KIF1A: variants seen among roughly 807,000 people sequenced by gnomAD.
KIF1A encodes the protein kinesin-like protein KIF1A.
A neutral mutation model predicts 227.3 loss-of-function variants in KIF1A; 46 were observed. The observed-to-expected ratio is 0.20, with a 90% CI of 0.16 to 0.26. The LOEUF (loss-of-function observed/expected upper bound fraction) is 0.26, where lower values mean the gene tolerates loss of function less well. KIF1A is among the 10% of genes least tolerant of loss of function. The pLI, the probability that KIF1A is intolerant of heterozygous loss-of-function variation, is 1.00. For missense variants in KIF1A, 1,683 were observed against 2,485.9 expected (o/e 0.68, Z 6.87); for synonymous variants, 1,022 against 1,012.8 (o/e 1.01, Z -0.17).
chr2:240,785,168 C>A, intron 6 of KIF1A, 68 bp from the exon 7 acceptor site: 1 of 1,310,552 alleles, frequency 7.6e-7, no homozygotes, highest in Non-Finnish European at 1.1e-6. Flanking sequence ...GCCGGTGGTG[C>A]CAGCCCTCTG....
At chr2:240,719,652 C>T (rs1202232004) in intron 46 of KIF1A, 122 bp downstream of exon 46, 3 of 1,188,294 alleles carry the variant, frequency 2.5e-6, no homozygotes, top group Non-Finnish European at 3.4e-6. Context: ...GGGCATCAGG[C>T]AACCTGTCTG....
chr2:240,729,712 G>GC (rs748956674), intron 38 of KIF1A, among the ~76,000 whole-genome samples: 2 of 152,262 alleles, frequency 1.3e-5, no homozygotes, highest in Non-Finnish European at 2.9e-5. Context: ...ATGTGGCTTT[G>GC]CCCTGCTCAG....
intron 1 of KIF1A, among the ~76,000 whole-genome samples, chr2:240,805,034 A>G (rs1575664457): frequency 8.8e-6 from 1 of 113,204 alleles, no homozygotes; most frequent in Non-Finnish European, 1.9e-5. Context: ...AGGGGAGGGG[A>G]GGGGAGGGAA....
chr2:240,767,460 G>A (rs1027458849), intron 17 of KIF1A, 115 bp from the exon 18 acceptor site: 26 of 815,934 alleles, frequency 3.2e-5, no homozygotes, highest in East Asian at 5.3e-5. Flanking sequence ...CCCTGCCCCC[G>A]CACTTGGCTG....
intron 10 of KIF1A, among the ~76,000 whole-genome samples, chr2:240,780,166 C>T (rs1017050017): frequency 6.6e-6 from 1 of 152,012 alleles, no homozygotes; most frequent in Non-Finnish European, 1.5e-5. Context: ...AGCGTTCACA[C>T]GGTTCCTCAT....
chr2:240,757,114 C>A lies in KIF1A; in HGVS notation c.2858+205G>T, dbSNP rs1442232903. On this transcript the variant is annotated intron_variant, in intron 27 of 48. Transcript: ENST00000498729. The surrounding 1 kb of genome is among the most constrained non-coding windows in gnomAD (Gnocchi z 6.2). The stretch of plus-strand genomic sequence containing the variant: ...TTCCCTGCCGGCCCAAAGCGACCGT[C>A]TCCAGGATGGGTGAGCAGCCCCACT... 6.6e-6 allele frequency among the ~76,000 whole-genome samples: 1 copy of A among 152,244 alleles called. No homozygotes were observed. Among genetic ancestry groups the A allele is most frequent in the Non-Finnish European group, 1.5e-5 (1 of 68,038 alleles).
Position 240,717,016 on chromosome 2 carries a change from G to A in KIF1A, c.*348C>T, listed in dbSNP as rs2044649644. On this transcript the variant is annotated 3_prime_UTR_variant, in exon 49 of 49. Transcript: ENST00000498729. Reference sequence around the variant, plus strand: ...CTTATAGTTAATTTCCGAGTTGACTGTTTCAATGTCACTAACTAACGTATA... The same window carrying A: ...CTTATAGTTAATTTCCGAGTTGACTATTTCAATGTCACTAACTAACGTATA... The A allele has an allele frequency of 7.0e-6, 2 of 286,980 alleles. No homozygotes were observed. The highest frequency in any genetic ancestry group is 1.3e-5 in the Non-Finnish European group (2 of 154,370). 17.8% of individuals were successfully genotyped at this position (286,980 alleles called of 1,614,324 possible).
rs1395277645 is a variant in KIF1A, at chr2:240,789,454, AC to A, written c.107-143del. On this transcript the variant is annotated intron_variant, in intron 2 of 48. Transcript: ENST00000498729. The surrounding 1 kb of genome is among the most constrained non-coding windows in gnomAD (Gnocchi z 4.8). ...GCCCCCAAATTGGAGGGGACCTAGG[AC>A]CCCACTCCCAGGCAGATGAGCTGTC... is the stretch of plus-strand genomic sequence containing the variant. 3.0e-6 allele frequency: 2 copies of A among 665,494 alleles called. No homozygotes were observed. The highest frequency in any genetic ancestry group is 2.7e-5 in the East Asian group (1 of 37,110). 41.2% of individuals were successfully genotyped at this position (665,494 alleles called of 1,614,324 possible).
intron 10 of KIF1A, among the ~76,000 whole-genome samples, chr2:240,780,729 A>G (rs892843270): frequency 2.7e-5 from 4 of 150,824 alleles, no homozygotes; most frequent in Non-Finnish European, 5.9e-5. Flanking sequence ...GGCTTCTGAC[A>G]GAGTTGGACA....
intron 10 of KIF1A, among the ~76,000 whole-genome samples, 198 bp downstream of exon 10, chr2:240,782,392 C>G (rs540679482): frequency 1.3e-5 from 2 of 152,128 alleles, no homozygotes; most frequent in African/African-American, 4.8e-5. Context: ...CCGCCCCGGA[C>G]GCCCTCCGTC....
At chr2:240,747,520 G>A (rs2048750893) in intron 28 of KIF1A, among the ~76,000 whole-genome samples, 199 bp from the exon 29 acceptor site, 1 of 152,186 alleles carries the variant, frequency 6.6e-6, no homozygotes. Flanking sequence ...CGCCTGCCCA[G>A]GGGCCCCAAA....
chr2:240,782,774 C>T lies in KIF1A; in HGVS notation c.865-167G>A, dbSNP rs542142956. ...CCCCCAGGCAGGGTCCCTCCAGGGCCGCCCTTCCCGGGCCCAGGCCTGGGC... is the reference window on the plus strand; with the variant it reads ...CCCCCAGGCAGGGTCCCTCCAGGGCTGCCCTTCCCGGGCCCAGGCCTGGGC... On this transcript the variant is annotated intron_variant, in intron 9 of 48. Transcript: ENST00000498729. Among the ~76,000 whole-genome samples the T allele has an allele frequency of 3.2e-3, 488 of 152,314 alleles. 11 individuals are homozygous for T. The highest frequency in any genetic ancestry group is 5.6e-4 in the Non-Finnish European group (38 of 68,022).
chr2:240,727,022 G>T, intron 38 of KIF1A, 82 bp from the exon 39 acceptor site: 1 of 821,724 alleles, frequency 1.2e-6, no homozygotes, highest in Non-Finnish European at 2.0e-6. Context: ...GACAGACAGA[G>T]CGACAGACAA....
At chr2:240,718,922 G>A in intron 47 of KIF1A, 84 bp downstream of exon 47, 2 of 1,162,704 alleles carry the variant, frequency 1.7e-6, no homozygotes, top group South Asian at 1.4e-5. Flanking sequence ...CTCCTGCTCT[G>A]ACGCAGGGCT....
chr2:240,794,182 C>T (rs367889988), intron 2 of KIF1A, among the ~76,000 whole-genome samples: 3 of 152,328 alleles, frequency 2.0e-5, no homozygotes, highest in South Asian at 2.1e-4. Flanking sequence ...GGCTTCCCTG[C>T]GCCAGGCCTA....
rs752834760 is a variant in KIF1A at position 240,720,911 on chromosome 2, C to T, written c.4868+3G>A. ...CCACTCCGGGAGCCTGGAGCTCACTCACCTCAGGTCAGTGGCACCGTACCG... is the reference window on the plus strand; with the variant it reads ...CCACTCCGGGAGCCTGGAGCTCACTTACCTCAGGTCAGTGGCACCGTACCG... On this transcript the variant is annotated splice_donor_region_variant and intron_variant, in intron 45 of 48. Coordinates refer to ENST00000498729, the MANE Select transcript of KIF1A (RefSeq NM_001244008.2). 5 of 1,556,764 alleles carry T rather than the reference C, an allele frequency of 3.2e-6. No individual in the cohort carries two copies. The South Asian group carries it at 5.9e-5, about 18-fold the overall frequency.
intron 1 of KIF1A, among the ~76,000 whole-genome samples, chr2:240,799,821 C>T (rs1051615966): frequency 2.6e-5 from 4 of 152,048 alleles, no homozygotes; most frequent in Non-Finnish European, 4.4e-5. Flanking sequence ...GTACTAAAAT[C>T]GGAAATACTT....
chr2:240,754,716 G>A (rs974725785), intron 27 of KIF1A, among the ~76,000 whole-genome samples: 1 of 152,140 alleles, frequency 6.6e-6, no homozygotes, highest in Non-Finnish European at 1.5e-5. Context: ...CGTAGCCCAG[G>A]CCTGTCCCTA....
intron 23 of KIF1A, 59 bp downstream of exon 23, chr2:240,762,660 G>T: frequency 1.4e-6 from 2 of 1,478,462 alleles, no homozygotes; most frequent in South Asian, 2.8e-5. Flanking sequence ...GCCCAGGGCT[G>T]CCCACCTCCA....
Sources: gnomAD v4.1 joint callset for allele counts (sites outside exome capture counted in the v4.1 genomes callset) on GRCh38, gnomAD v4.1.1 for gene constraint, Gnocchi (gnomAD v3.1) non-coding constraint, MANE v1.5 for transcripts, NCBI Gene and HGNC (gene_info 2026-07-23, HGNC 2026-07-21) for gene names.